The following DNM3 variants were observed in gnomAD, a reference collection of about 807,000 sequenced individuals.
DNM3 encodes the protein dynamin-3.
DNM3 carries 47 observed loss-of-function variants against 101.6 expected under a neutral mutation model. The observed-to-expected ratio is 0.46, with a 90% confidence interval of 0.37 to 0.59. DNM3 has a LOEUF of 0.59. Among genes scored for constraint, DNM3 ranks in the 20% least tolerant of loss-of-function variants. The pLI is 0.00. For missense variants in DNM3, 849 were observed against 1,085.7 expected, an observed-to-expected ratio of 0.78 and a Z score of 3.06; for synonymous variants, 385 against 387.9, an observed-to-expected ratio of 0.99 and a Z score of 0.09.
At chr1:172,043,276 T>C (rs1187503103) in intron 8 of DNM3, among the ~76,000 whole-genome samples, 1 of 152,032 alleles carries the variant, frequency 6.6e-6, no homozygotes, top group Non-Finnish European at 1.5e-5. Flanking sequence ...GTAGTGCCCA[T>C]CAGATGAGGG....
chr1:171,953,944 C>T (rs962282790), intron 2 of DNM3, among the ~76,000 whole-genome samples: 1 of 152,068 alleles, frequency 6.6e-6, no homozygotes. Flanking sequence ...GGTCATTGTC[C>T]TTTTTCATAT....
At chr1:172,085,778 A>G (rs2053487146) in intron 12 of DNM3, among the ~76,000 whole-genome samples, 1 of 152,176 alleles carries the variant, frequency 6.6e-6, no homozygotes, top group Non-Finnish European at 1.5e-5. Flanking sequence ...CCTTGCCACT[A>G]AATTCCAGAG....
rs2071076971 is a variant in DNM3, at chr1:172,409,175, GCTAA to G, written c.*1337_*1340del. 6 of 985,254 alleles carry G rather than the reference GCTAA, an allele frequency of 6.1e-6. No individual in the cohort carries two copies. The South Asian group carries it at 2.8e-4, about 46-fold the overall frequency. 61.0% of individuals were successfully genotyped at this position (985,254 alleles called of 1,614,324 possible). On this transcript the variant is annotated 3_prime_UTR_variant, in exon 21 of 21. Transcript: ENST00000627582. ...CCAGAAGCCAACTGGAATTTTGTGT[GCTAA>G]CTGTTCCCAGACAGCAGAGCAAGTA...
intron 2 of DNM3, among the ~76,000 whole-genome samples, chr1:171,948,953 T>C (rs1162482748): frequency 6.6e-6 from 1 of 152,220 alleles, no homozygotes; most frequent in Non-Finnish European, 1.5e-5. Context: ...CCTCATTTTA[T>C]TTGATTCTCA....
intron 13 of DNM3, among the ~76,000 whole-genome samples, chr1:172,129,502 G>A (rs964503030): frequency 6.6e-6 from 1 of 152,092 alleles, no homozygotes; most frequent in African/African-American, 2.4e-5. Context: ...GGAAGAAAAA[G>A]AAAAAGAGGT....
chr1:172,039,770 C>T (rs1250040704), intron 7 of DNM3, among the ~76,000 whole-genome samples: 1 of 152,044 alleles, frequency 6.6e-6, no homozygotes, highest in Non-Finnish European at 1.5e-5. Context: ...ATCCTTCCCT[C>T]CTGCCTTCCT....
intron 1 of DNM3, among the ~76,000 whole-genome samples, chr1:171,906,772 G>A (rs548213706): frequency 6.6e-6 from 1 of 152,188 alleles, no homozygotes; most frequent in Non-Finnish European, 1.5e-5. Context: ...AAGGAAAAGA[G>A]GTTACATTTA....
chr1:172,314,170 CA>C (rs1169946419), intron 16 of DNM3, among the ~76,000 whole-genome samples: 3 of 152,180 alleles, frequency 2.0e-5, no homozygotes, highest in Non-Finnish European at 4.4e-5. Context: ...ATGTTTATTG[CA>C]GCACTGTTCA....
chr1:172,249,976 G>A (rs533990672), intron 14 of DNM3, among the ~76,000 whole-genome samples: 2 of 152,218 alleles, frequency 1.3e-5, no homozygotes, highest in African/African-American at 4.8e-5. Context: ...TATTGTGTAA[G>A]CTTATATAAA....
At chr1:172,321,327 GT>G (rs1372813411) in intron 16 of DNM3, among the ~76,000 whole-genome samples, 1 of 152,112 alleles carries the variant, frequency 6.6e-6, no homozygotes, top group Non-Finnish European at 1.5e-5. Flanking sequence ...AAAATGCTTG[GT>G]ACTTAGCCCC....
intron 17 of DNM3, among the ~76,000 whole-genome samples, chr1:172,368,397 A>T (rs540978278): frequency 6.6e-6 from 1 of 151,974 alleles, no homozygotes; most frequent in Non-Finnish European, 1.5e-5. Context: ...TAAGAAATTA[A>T]GAAGTACATT....
At chr1:172,093,605 C>G in intron 13 of DNM3, 1 of 1,144,724 alleles carries the variant, frequency 8.7e-7, no homozygotes, top group Non-Finnish European at 1.2e-6. Flanking sequence ...AGATTTTTTT[C>G]CCATTGTTTT....
chr1:172,092,692 C>A, intron 12 of DNM3, 132 bp from the exon 13 acceptor site: 1 of 917,752 alleles, frequency 1.1e-6, no homozygotes, highest in Non-Finnish European at 1.6e-6. Flanking sequence ...ATTAAACTGA[C>A]CTGGAATTTT....
intron 15 of DNM3, among the ~76,000 whole-genome samples, chr1:172,294,073 G>A (rs1041866136): frequency 7.2e-5 from 11 of 152,176 alleles, no homozygotes; most frequent in African/African-American, 2.7e-4. Context: ...CTAATTGATA[G>A]CTAAAAGCTA....
intron 16 of DNM3, among the ~76,000 whole-genome samples, chr1:172,320,162 C>T (rs972016709): frequency 1.4e-5 from 2 of 145,868 alleles, no homozygotes; most frequent in Non-Finnish European, 3.0e-5. Flanking sequence ...TGTTCTCACT[C>T]ATAGATGGGA....
At chr1:172,052,414 A>T (rs1335735487) in intron 10 of DNM3, among the ~76,000 whole-genome samples, 1 of 152,214 alleles carries the variant, frequency 6.6e-6, no homozygotes, top group East Asian at 1.9e-4. Flanking sequence ...TTAAAAAGAA[A>T]CAGTGACAAA....
At chr1:172,364,073 C>G (rs1057341537) in intron 17 of DNM3, among the ~76,000 whole-genome samples, 2 of 151,926 alleles carry the variant, frequency 1.3e-5, no homozygotes, top group Non-Finnish European at 2.9e-5. Context: ...TGTTTTTGGC[C>G]TGTTAATGGG....
chr1:171,942,200 G>GTTTTTT (rs2041859779), intron 2 of DNM3, among the ~76,000 whole-genome samples: 1 of 73,790 alleles, frequency 1.4e-5, no homozygotes, highest in African/African-American at 5.0e-5. Flanking sequence ...CTGCTCACTT[G>GTTTTTT]ATTTTTTTTT....
intron 15 of DNM3, among the ~76,000 whole-genome samples, chr1:172,260,741 T>A (rs6424836): frequency 6.6e-6 from 1 of 152,106 alleles, no homozygotes; most frequent in African/African-American, 2.4e-5. Context: ...TTCTTTGTAT[T>A]GTTTTTCAGA....
Sources: gnomAD v4.1 joint callset for allele counts (sites outside exome capture counted in the v4.1 genomes callset) on GRCh38, gnomAD v4.1.1 for gene constraint, MANE v1.5 for transcripts, NCBI Gene and HGNC (gene_info 2026-07-23, HGNC 2026-07-21) for gene names.